Variants in MAGOHB observed in about 807,000 individuals in gnomAD.
The protein encoded by MAGOHB is protein mago nashi homolog 2.
A neutral mutation model predicts 20.9 loss-of-function variants in MAGOHB; 15 were observed. The observed-to-expected ratio is 0.72, with a 90% confidence interval of 0.48 to 1.11. The LOEUF is 1.11. Ranked by LOEUF, MAGOHB falls within the 50% of genes least tolerant of loss-of-function variation. The pLI, the probability that MAGOHB is intolerant of heterozygous loss-of-function variation, is 0.00. For synonymous variants in MAGOHB, 50 were observed against 57.9 expected, an observed-to-expected ratio of 0.86 and a Z score of 0.62; for missense variants, 162 against 177.6, an observed-to-expected ratio of 0.91 and a Z score of 0.50.
chr12:10,610,308 G>A (rs1865701572), intron 2 of MAGOHB, among the ~76,000 whole-genome samples: 1 of 152,120 alleles, frequency 6.6e-6, no homozygotes, highest in Admixed American at 6.5e-5. Flanking sequence ...GAGCCTGGGA[G>A]GCAGAGGTTG....
At chr12:10,600,174 T>C (rs1255031017), downstream of MAGOHB, among the ~76,000 whole-genome samples, 1 of 152,098 alleles carries the variant, frequency 6.6e-6, no homozygotes, top group African/African-American at 2.4e-5. Context: ...TCTCTGTATG[T>C]TGTGCTTACT....
At chr12:10,600,682 T>A (rs1359817139), downstream of MAGOHB, among the ~76,000 whole-genome samples, 1 of 152,162 alleles carries the variant, frequency 6.6e-6, no homozygotes, top group African/African-American at 2.4e-5. Context: ...CTTGAAAAAA[T>A]TCATTTTTGT....
At chr12:10,609,993 A>T (rs1865695267) in intron 2 of MAGOHB, 52 bp from the exon 3 acceptor site, 2 of 1,005,014 alleles carry the variant, frequency 2.0e-6, no homozygotes, top group Non-Finnish European at 2.9e-6. Flanking sequence ...GTCACCCCTC[A>T]ACTCAGAAAG....
At chr12:10,600,173 G>A (rs1017701854), downstream of MAGOHB, among the ~76,000 whole-genome samples, 10 of 151,360 alleles carry the variant, frequency 6.6e-5, no homozygotes, top group African/African-American at 2.4e-4. Flanking sequence ...TTCTCTGTAT[G>A]TTGTGCTTAC....
Position 10,607,907 on chromosome 12 carries a change from G to T in MAGOHB, c.294C>A (p.His98Gln). 1 of 1,588,080 alleles carries T rather than the reference G, an allele frequency of 6.3e-7. No homozygotes were observed. Among genetic ancestry groups the T allele is most frequent in the Non-Finnish European group, 8.6e-7 (1 of 1,165,654 alleles). ...CTATTTTTGATGTGGTAAAAGATAT[G>T]TGCTCATCTCCAATTACAATTTCAA... ...QELEIVIGDE[H>Q]ISFTTSKIGS... Residue 98 changes from histidine to glutamine, a missense_variant, in exon 4 of 5, where the codon CAC becomes CAA. Transcript: ENST00000320756.
At chr12:10,609,661 G>A (rs1443839672) in intron 3 of MAGOHB, 170 bp downstream of exon 3, 1 of 587,724 alleles carries the variant, frequency 1.7e-6, no homozygotes, top group African/African-American at 1.9e-5. Flanking sequence ...CTACTAGGAG[G>A]TAGCACAGAA....
In MAGOHB at chr12:10,606,310, G is replaced by T; in HGVS notation, c.412C>A (p.Leu138Ile). 1.3e-6 allele frequency: 2 copies of T among 1,571,014 alleles called. No homozygotes were observed. The highest frequency in any genetic ancestry group is 2.3e-5 in the South Asian group (2 of 86,264). ...TTAATCTTGAAGTGTAATCCAATAA[G>T]ACTGAAAACTAAACATTTCAAGTCT... ...VQDLKCLVFS[L>I]IGLHFKIKPI Residue 138 changes from leucine to isoleucine, a missense_variant, in exon 5 of 5, where the codon CTT becomes ATT. Physicochemically the swap from Leu to Ile is conservative, Grantham distance 5. Transcript: ENST00000320756.
chr12:10,608,084 T>G (rs1211272343), intron 3 of MAGOHB, 148 bp from the exon 4 acceptor site: 1 of 557,934 alleles, frequency 1.8e-6, no homozygotes, highest in African/African-American at 2.0e-5. Context: ...GAAACATGGT[T>G]TCTTAGATAT....
intron 4 of MAGOHB, among the ~76,000 whole-genome samples, chr12:10,607,218 G>A (rs1865644744): frequency 6.6e-6 from 1 of 152,134 alleles, no homozygotes; most frequent in African/African-American, 2.4e-5. Flanking sequence ...TGCTAACTCT[G>A]TGGATACAGC....
At chr12:10,613,363 C>T in intron 1 of MAGOHB, 76 bp downstream of exon 1, 3 of 1,305,366 alleles carry the variant, frequency 2.3e-6, no homozygotes, top group Non-Finnish European at 3.3e-6. Flanking sequence ...CCTCCGCCGC[C>T]TGTACCCTCC....
At chr12:10,602,640 C>A (rs1236224666), downstream of MAGOHB, among the ~76,000 whole-genome samples, 1 of 152,210 alleles carries the variant, frequency 6.6e-6, no homozygotes, top group Admixed American at 6.5e-5. Flanking sequence ...TCCAAATTCA[C>A]TTTTGTGCAA....
downstream of MAGOHB, among the ~76,000 whole-genome samples, chr12:10,601,126 A>C (rs1452052282): frequency 6.6e-6 from 1 of 152,092 alleles, no homozygotes; most frequent in African/African-American, 2.4e-5. Flanking sequence ...CAAAATAATA[A>C]ATAAAGGAAG....
intron 3 of MAGOHB, 189 bp from the exon 4 acceptor site, chr12:10,608,125 C>G (rs909985347): frequency 6.9e-6 from 3 of 436,928 alleles, no homozygotes; most frequent in Non-Finnish European, 1.2e-5. Context: ...AGACTGCTCA[C>G]GCGCACTACC....
chr12:10,613,401 C>G, intron 1 of MAGOHB, 38 bp downstream of exon 1: 1 of 1,583,500 alleles, frequency 6.3e-7, no homozygotes, highest in Non-Finnish European at 8.7e-7. Flanking sequence ...GGTCTCGCTC[C>G]CCTTTCCCAG....
rs1865598270 is a variant in MAGOHB, at chr12:10,604,946, A to T, written c.*1329T>A. The T allele has an allele frequency of 1.3e-5, 2 of 152,212 alleles. No homozygotes were observed. Among genetic ancestry groups the T allele is most frequent in the African/African-American group, 4.8e-5 (2 of 41,448 alleles). The allele number at this position is 152,212 out of a possible 1,614,324, so 9.4% of individuals were successfully genotyped here. A position where few individuals can be genotyped will look rare whatever the true frequency, so the allele number is the denominator to read the frequency against. The stretch of plus-strand genomic sequence containing the variant: ...GGCTACCTAAATTTAATCAAAATTA[A>T]ATAGCACTACAAAAAAAGTAGTTTA... On this transcript the variant is annotated 3_prime_UTR_variant, in exon 5 of 5. Coordinates refer to ENST00000320756, the MANE Select transcript of MAGOHB (RefSeq NM_018048.5).
In MAGOHB at chr12:10,613,552, G is replaced by T; in HGVS notation, c.-20C>A. 4.5e-6 allele frequency: 7 copies of T among 1,562,718 alleles called. No homozygotes were observed. The highest frequency in any genetic ancestry group is 6.2e-6 in the Non-Finnish European group (7 of 1,133,282). ...AGCCATTTTTGTACCCGGGAAGCCC[G>T]CCGAAAACGCAGCCAACGTGTCCCC... On this transcript the variant is annotated 5_prime_UTR_variant, in exon 1 of 5. Coordinates refer to ENST00000320756, the MANE Select transcript of MAGOHB (RefSeq NM_018048.5).
intron 2 of MAGOHB, 88 bp downstream of exon 2, chr12:10,610,534 C>T: frequency 7.4e-7 from 1 of 1,350,398 alleles, no homozygotes; most frequent in Non-Finnish European, 9.6e-7. Flanking sequence ...CTTAGATGTA[C>T]TTTTTTAAAT....
At chr12:10,600,622 T>C (rs1217469552), downstream of MAGOHB, among the ~76,000 whole-genome samples, 1 of 152,212 alleles carries the variant, frequency 6.6e-6, no homozygotes, top group Non-Finnish European at 1.5e-5. Flanking sequence ...TCATAAAATC[T>C]ATCCCTAAAA....
At chr12:10,601,377 C>T (rs370458085), downstream of MAGOHB, among the ~76,000 whole-genome samples, 16 of 152,240 alleles carry the variant, frequency 1.1e-4, no homozygotes, top group East Asian at 2.1e-3. Flanking sequence ...TTCTTCATTC[C>T]TGTTTAAAAT....
Sources: allele counts gnomAD v4.1 joint callset (sites outside exome capture counted in the v4.1 genomes callset), GRCh38; gene constraint gnomAD v4.1.1; transcripts MANE v1.5; gene names NCBI Gene and HGNC (gene_info 2026-07-23, HGNC 2026-07-21).